TNN: variants seen among roughly 807,000 people sequenced by gnomAD.
TNN encodes tenascin N, also known as tenascin-N.
A neutral mutation model predicts 134.4 loss-of-function variants in TNN; 122 were observed. That is an observed-to-expected ratio of 0.91 (90% CI 0.78 to 1.06). TNN has a LOEUF of 1.06. Among genes scored for constraint, TNN ranks in the 50% least tolerant of loss-of-function variants. The pLI is 0.00. For synonymous variants in TNN, 710 were observed against 670.3 expected (o/e 1.06, Z -0.91); for missense variants, 1,739 against 1,699.4 (o/e 1.02, Z -0.41).
Position 175,117,214 on chromosome 1 carries a change from C to G in TNN, c.2386+9C>G, listed in dbSNP as rs1429688534. On this transcript the variant is annotated intron_variant, in intron 10 of 18. Coordinates refer to ENST00000239462, the MANE Select transcript of TNN (RefSeq NM_022093.2). ...CACCAAGGCCCAGACAGGTAAGGAG[C>G]ATTGTTCTTTGGGAATATAAGAGCT... 6.2e-6 allele frequency: 10 copies of G among 1,611,890 alleles called. No homozygotes were observed. The highest frequency in any genetic ancestry group is 7.6e-6 in the Non-Finnish European group (9 of 1,179,532).
In TNN at chr1:175,123,640, A is replaced by C; in HGVS notation, c.2891A>C (p.Lys964Thr). The C allele has an allele frequency of 6.2e-7, 1 of 1,614,224 alleles. No individual in the cohort carries two copies. Residue 964 changes from lysine (K) to threonine (T), a missense_variant, in exon 12 of 19, where the codon AAG becomes ACG. Lys to Thr is a moderately conservative substitution (Grantham distance 78, BLOSUM62 -1). Transcript: ENST00000239462. ...CAGAAGGGGGCCCAGGAGAGCAAGA[A>C]GGCTGACACCAAGGCCCAGACAGGT... ...WAQKGAQESK[K>T]ADTKAQTELD... is the part of the protein sequence containing the mutation.
At chr1:175,143,671 A>C (rs1050370034) in intron 17 of TNN, among the ~76,000 whole-genome samples, 1 of 152,208 alleles carries the variant, frequency 6.6e-6, no homozygotes, top group Non-Finnish European at 1.5e-5. Context: ...GCTGGTCCAC[A>C]GTGGAGGGTG....
chr1:175,079,525 C>A lies in TNN; in HGVS notation c.602C>A (p.Ala201Asp). The change falls in exon 3 of 19, where the codon GCC becomes GAC. Residue 201 changes from alanine to aspartate, a missense_variant. Coordinates refer to ENST00000239462, the MANE Select transcript of TNN (RefSeq NM_022093.2). The stretch of plus-strand genomic sequence containing the variant: ...GTGGGTGCCGACTGCGGCTACCCGG[C>A]CTGCCCTGAGAACTGCAGCGGACAC... ...PYVGADCGYP[A>D]CPENCSGHGE... 1.3e-6 allele frequency: 2 copies of A among 1,564,262 alleles called. No individual in the cohort carries two copies. The highest frequency in any genetic ancestry group is 2.7e-5 in the African/African-American group (2 of 73,798).
At chr1:175,086,191 C>T (rs1224156015) in intron 6 of TNN, among the ~76,000 whole-genome samples, 1 of 152,104 alleles carries the variant, frequency 6.6e-6, no homozygotes, top group Admixed American at 6.5e-5. Flanking sequence ...TGTGTTTTTT[C>T]CTGATGCCCA....
chr1:175,080,747 T>C (rs1674180105), intron 4 of TNN, among the ~76,000 whole-genome samples: 1 of 152,108 alleles, frequency 6.6e-6, no homozygotes, highest in Admixed American at 6.5e-5. Flanking sequence ...CCCAAAGCCA[T>C]TCAGAAAGTT....
In TNN at chr1:175,077,547, C is replaced by T. The variant is rs201267863; in HGVS notation, c.129C>T (p.Ser43=). The T allele has an allele frequency of 3.2e-5, 52 of 1,614,056 alleles. No homozygotes were observed. The highest frequency in any genetic ancestry group is 1.1e-5 in the South Asian group (1 of 91,088). Residue 43 remains serine, a synonymous_variant, in exon 2 of 19, where the codon AGC becomes AGT. Transcript: ENST00000239462. ...CSNKEQQVTV[S]HTYKIDVPKS... Reference sequence around the variant, plus strand: ...ACAAGGAGCAACAGGTCACTGTCAGCCACACCTACAAGATCGATGTGCCCA... The same window carrying T: ...ACAAGGAGCAACAGGTCACTGTCAGTCACACCTACAAGATCGATGTGCCCA...
At chr1:175,135,484 T>G (rs1293034562) in intron 15 of TNN, among the ~76,000 whole-genome samples, 1 of 152,186 alleles carries the variant, frequency 6.6e-6, no homozygotes, top group Admixed American at 6.5e-5. Flanking sequence ...GTGCCCCAAT[T>G]GAGTTGAATG....
Position 175,077,779 on chromosome 1 carries a change from G to A in TNN, c.361G>A (p.Glu121Lys). 1 of 1,614,230 alleles carries A rather than the reference G, an allele frequency of 6.2e-7. No homozygotes were observed. The highest frequency in any genetic ancestry group is 8.5e-7 in the Non-Finnish European group (1 of 1,180,036). The change falls in exon 2 of 19, where the codon GAG becomes AAG. Residue 121 changes from glutamate (E) to lysine (K), a missense_variant. Coordinates refer to ENST00000239462, the MANE Select transcript of TNN (RefSeq NM_022093.2). ...GAAGAAGCTGGAGGAAGAGATGGTG[G>A]AGATGAAGGAACAGTGTAGTGCCCA... ...RVKKLEEEMV[E>K]MKEQCSAQRC...
At position 175,128,259 on chromosome 1, in the gene TNN, A is replaced by C. The variant is rs574347433; in HGVS notation, c.3178+95A>C. On this transcript the variant is annotated intron_variant, in intron 14 of 18. Transcript: ENST00000239462. ...TCCAGGGAGGAGCAAGTGGATGCAG[A>C]ACTATTGATTTCTCTAGGCATGGGG... 3.3e-6 allele frequency: 4 copies of C among 1,196,476 alleles called. No homozygotes were observed. In the Admixed American group the frequency reaches 9.9e-5, roughly 30 times the overall value. The allele number at this position is 1,196,476 out of a possible 1,614,324, so 74.1% of individuals were successfully genotyped here. A position where few individuals can be genotyped will look rare whatever the true frequency, so the allele number is the denominator to read the frequency against.
At chr1:175,135,545 C>G (rs1416959354) in intron 15 of TNN, among the ~76,000 whole-genome samples, 1 of 152,144 alleles carries the variant, frequency 6.6e-6, no homozygotes, top group East Asian at 1.9e-4. Context: ...ATATCTTGCC[C>G]TAGACAACCC....
intron 5 of TNN, 97 bp from the exon 6 acceptor site, chr1:175,085,308 T>C: frequency 1.3e-6 from 1 of 772,684 alleles, no homozygotes; most frequent in Non-Finnish European, 2.3e-6. Flanking sequence ...GCATCACCTC[T>C]CATCTTCCCT....
At chr1:175,087,622 C>A (rs989963782) in intron 6 of TNN, among the ~76,000 whole-genome samples, 3 of 152,180 alleles carry the variant, frequency 2.0e-5, no homozygotes, top group Non-Finnish European at 4.4e-5. Context: ...GAACATTTCA[C>A]CTCTGGAAGT....
At chr1:175,082,770 G>C (rs1038130453) in intron 4 of TNN, among the ~76,000 whole-genome samples, 1 of 152,154 alleles carries the variant, frequency 6.6e-6, no homozygotes, top group Non-Finnish European at 1.5e-5. Context: ...AGGTGAAGGT[G>C]GGGGCGTGAC....
chr1:175,092,552 A>G (rs1220201307), intron 6 of TNN, among the ~76,000 whole-genome samples: 1 of 152,156 alleles, frequency 6.6e-6, no homozygotes, highest in East Asian at 1.9e-4. Context: ...CTTTATTTAT[A>G]ATTTATTATT....
intron 6 of TNN, among the ~76,000 whole-genome samples, chr1:175,091,603 ATTTT>A (rs1344855072): frequency 2.2e-5 from 3 of 134,952 alleles, no homozygotes; most frequent in Admixed American, 1.4e-4. Flanking sequence ...TTATTTATTT[ATTTT>A]GAGACTGAGT....
At chr1:175,088,742 T>C (rs561214743) in intron 6 of TNN, among the ~76,000 whole-genome samples, 1 of 152,350 alleles carries the variant, frequency 6.6e-6, no homozygotes, top group Non-Finnish European at 1.5e-5. Flanking sequence ...CAAACATTTA[T>C]TGCAGGATGT....
chr1:175,079,399 A>C lies in TNN; in HGVS notation c.476A>C (p.Glu159Ala). Residue 159 changes from glutamate to alanine, a missense_variant, in exon 3 of 19, where the codon GAG becomes GCG. By Grantham distance (107) the Glu-to-Ala change is moderately radical. Transcript: ENST00000239462. ...GAGACCTGCAGCTGCCACTGCGAAGAGGGCAGGGAGGGCCCCGCCTGCGAG... is the reference window on the plus strand; with the variant it reads ...GAGACCTGCAGCTGCCACTGCGAAGCGGGCAGGGAGGGCCCCGCCTGCGAG... ...SLETCSCHCE[E>A]GREGPACERL... 6.3e-7 allele frequency: 1 copy of C among 1,595,632 alleles called. No homozygotes were observed. Among genetic ancestry groups the C allele is most frequent in the Non-Finnish European group, 8.5e-7 (1 of 1,174,754 alleles).
chr1:175,086,112 C>A (rs1375414166), intron 6 of TNN, among the ~76,000 whole-genome samples: 3 of 152,268 alleles, frequency 2.0e-5, no homozygotes, highest in Admixed American at 2.0e-4. Context: ...CATTTATTAT[C>A]TAGGACATAG....
chr1:175,141,206 G>A (rs139367397), intron 17 of TNN, among the ~76,000 whole-genome samples: 1 of 152,212 alleles, frequency 6.6e-6, no homozygotes, highest in Non-Finnish European at 1.5e-5. Context: ...TCTAGTGGGG[G>A]CAGGGAGGCT....
Sources: allele counts gnomAD v4.1 joint callset (sites outside exome capture counted in the v4.1 genomes callset), GRCh38; gene constraint gnomAD v4.1.1; transcripts MANE v1.5; gene names NCBI Gene and HGNC (gene_info 2026-07-23, HGNC 2026-07-21).